GPATCH2L: variants seen among roughly 807,000 people sequenced by gnomAD.
The protein encoded by GPATCH2L is G-patch domain containing 2 like, also known as G patch domain-containing protein 2-like.
GPATCH2L carries 31 observed loss-of-function variants against 57.4 expected under a neutral mutation model. The observed-to-expected ratio is 0.54, with a 90% CI of 0.41 to 0.73. The LOEUF is 0.73. GPATCH2L is among the 30% of genes least tolerant of loss of function. The pLI is 0.00. For synonymous variants in GPATCH2L, 199 were observed against 210.7 expected, an observed-to-expected ratio of 0.94 and a Z score of 0.48; for missense variants, 481 against 599.9, an observed-to-expected ratio of 0.80 and a Z score of 2.07.
downstream of GPATCH2L, among the ~76,000 whole-genome samples, chr14:76,218,355 A>G (rs898261090): frequency 2.0e-5 from 3 of 152,116 alleles, no homozygotes; most frequent in Non-Finnish European, 4.4e-5. Flanking sequence ...TAATAAATTA[A>G]TTTTCAGAAA....
At chr14:76,166,863 C>G in intron 3 of GPATCH2L, 136 bp downstream of exon 3, 1 of 684,818 alleles carries the variant, frequency 1.5e-6, no homozygotes, top group Non-Finnish European at 2.7e-6. Context: ...TGAGAGTCAC[C>G]TAGGGAACTG....
chr14:76,168,868 C>T (rs1566782623), intron 3 of GPATCH2L, among the ~76,000 whole-genome samples: 1 of 152,210 alleles, frequency 6.6e-6, no homozygotes, highest in Non-Finnish European at 1.5e-5. Flanking sequence ...TTATTGCTTT[C>T]CCTGACACCT....
At chr14:76,183,093 G>A (rs552780172) in intron 8 of GPATCH2L, among the ~76,000 whole-genome samples, 1 of 152,280 alleles carries the variant, frequency 6.6e-6, no homozygotes, top group African/African-American at 2.4e-5. Context: ...ATCAGTATTC[G>A]TACTTTTGTC....
intron 7 of GPATCH2L, chr14:76,179,347 A>G (rs1003528034): frequency 6.6e-6 from 1 of 152,218 alleles, no homozygotes; most frequent in African/African-American, 2.4e-5. Flanking sequence ...ATATGAGGAA[A>G]AATAATAAGT....
rs374571908 is a variant in GPATCH2L at position 76,152,221 on chromosome 14, C to T, written c.-11+230C>T. 4.7e-3 allele frequency among the ~76,000 whole-genome samples: 718 copies of T among 152,288 alleles called. 6 individuals are homozygous for T. Among genetic ancestry groups the T allele is most frequent in the African/African-American group, 0.016 (674 of 41,550 alleles). ...CCCCTCTTCCCCTTTCTTCTTTCTG[C>T]CTCTCTGGGGCGGGCTGCAGCCTGA... On this transcript the variant is annotated intron_variant, in intron 1 of 9. Transcript: ENST00000261530.
rs2040393063 is a variant in GPATCH2L at position 76,207,551 on chromosome 14, A to AT, written c.*5700_*5701insT. On this transcript the variant is annotated 3_prime_UTR_variant, in exon 10 of 10. Transcript: ENST00000261530. ...AAATGAAAAAAAAAATTGGAAGAAA[A>AT]AAACACCTTGGGTACATAGATGTGT... 1 of 152,162 alleles carries AT rather than the reference A, an allele frequency of 6.6e-6. No individual in the cohort carries two copies. Among genetic ancestry groups the AT allele is most frequent in the African/African-American group, 2.4e-5 (1 of 41,432 alleles). The allele number at this position is 152,162 out of a possible 1,614,324, so 9.4% of individuals were successfully genotyped here.
chr14:76,180,911 C>T (rs1257169986), intron 8 of GPATCH2L, 62 bp downstream of exon 8: 2 of 978,848 alleles, frequency 2.0e-6, no homozygotes, highest in African/African-American at 3.2e-5. Context: ...TTCTATTACC[C>T]CTCAAATTAT....
At chr14:76,181,478 A>G (rs2039558627) in intron 8 of GPATCH2L, among the ~76,000 whole-genome samples, 1 of 151,622 alleles carries the variant, frequency 6.6e-6, no homozygotes, top group South Asian at 2.1e-4. Flanking sequence ...TCTGAATTGG[A>G]TTTGCTTATT....
intron 3 of GPATCH2L, among the ~76,000 whole-genome samples, chr14:76,167,469 G>T (rs2038897096): frequency 1.3e-5 from 2 of 152,134 alleles, no homozygotes; most frequent in Admixed American, 1.3e-4. Flanking sequence ...TTTCTCCACG[G>T]GTTAAGCAAT....
At chr14:76,232,034 T>G (rs7160262) in intron 2 of GPATCH2L, among the ~76,000 whole-genome samples, 1 of 127,216 alleles carries the variant, frequency 7.9e-6, no homozygotes, top group African/African-American at 3.7e-5. Flanking sequence ...GCTTCAGCCC[T>G]CCAAGTAGCT....
chr14:76,191,781 T>C (rs1056081133), intron 8 of GPATCH2L, among the ~76,000 whole-genome samples: 11 of 152,170 alleles, frequency 7.2e-5, no homozygotes, highest in African/African-American at 1.9e-4. Flanking sequence ...CATTTCTTTT[T>C]GTTAGAAGCA....
intron 2 of GPATCH2L, among the ~76,000 whole-genome samples, chr14:76,231,809 C>T (rs545592804): frequency 6.6e-6 from 1 of 152,276 alleles, no homozygotes; most frequent in East Asian, 1.9e-4. Flanking sequence ...TGTTATTCTA[C>T]ATGTATTTTG....
At chr14:76,221,414 A>C (rs1453278203) in intron 1 of GPATCH2L, among the ~76,000 whole-genome samples, 1 of 152,238 alleles carries the variant, frequency 6.6e-6, no homozygotes, top group East Asian at 1.9e-4. Flanking sequence ...GAAAAATGGC[A>C]CAGCTATGAT....
intron 2 of GPATCH2L, among the ~76,000 whole-genome samples, chr14:76,231,219 A>G (rs748616721): frequency 1.8e-4 from 27 of 152,322 alleles, no homozygotes; most frequent in Admixed American, 5.9e-4. Flanking sequence ...GCCTCCCTCA[A>G]GGAACGAAGC....
chr14:76,220,637 T>A (rs974620867), intron 1 of GPATCH2L, among the ~76,000 whole-genome samples: 13 of 152,148 alleles, frequency 8.5e-5, no homozygotes, highest in African/African-American at 3.1e-4. Flanking sequence ...TCAGAAGAGG[T>A]ATTCTTTCCA....
In GPATCH2L at chr14:76,211,093, G is replaced by C. The variant is rs1045720457; in HGVS notation, c.*9242G>C. The stretch of plus-strand genomic sequence containing the variant: ...TGAAAGAAATCCTGAAGGATAAGCA[G>C]GAGTTAAGAAGAGTGGATGAAGCCC... On this transcript the variant is annotated 3_prime_UTR_variant, in exon 10 of 10. Coordinates refer to ENST00000261530, the MANE Select transcript of GPATCH2L (RefSeq NM_017926.4). The C allele has an allele frequency of 6.6e-6, 1 of 152,210 alleles. No homozygotes were observed. Among genetic ancestry groups the C allele is most frequent in the African/African-American group, 2.4e-5 (1 of 41,434 alleles). 9.4% of individuals were successfully genotyped at this position (152,210 alleles called of 1,614,324 possible).
At chr14:76,160,130 C>T (rs796223961) in intron 2 of GPATCH2L, among the ~76,000 whole-genome samples, 6 of 152,032 alleles carry the variant, frequency 3.9e-5, no homozygotes, top group South Asian at 2.1e-4. Flanking sequence ...GGCGACAGAG[C>T]GAGACTCTGT....
chr14:76,157,562 A>T (rs2038365009), intron 2 of GPATCH2L, among the ~76,000 whole-genome samples: 1 of 152,226 alleles, frequency 6.6e-6, no homozygotes, highest in Non-Finnish European at 1.5e-5. Context: ...CAAAATGTAG[A>T]ATTTTACTTT....
chr14:76,226,839 ATAAAC>A (rs2040538415), intron 1 of GPATCH2L, among the ~76,000 whole-genome samples: 3 of 152,188 alleles, frequency 2.0e-5, no homozygotes, highest in African/African-American at 7.2e-5. Context: ...GCAGCACAAA[ATAAAC>A]TAAGAGAGTT....
Sources: allele counts gnomAD v4.1 joint callset (sites outside exome capture counted in the v4.1 genomes callset), GRCh38; gene constraint gnomAD v4.1.1; transcripts MANE v1.5; gene names NCBI Gene and HGNC (gene_info 2026-07-23, HGNC 2026-07-21).